RCAN1: variants seen among roughly 807,000 people sequenced by gnomAD.
RCAN1 encodes calcipressin-1.
In RCAN1, 11 loss-of-function variants were observed where a neutral mutation model predicts 22.9. The ratio of observed to expected loss-of-function variants is 0.48; its 90% CI spans 0.30 to 0.79. The LOEUF (loss-of-function observed/expected upper bound fraction) is 0.79. Among genes scored for constraint, RCAN1 ranks in the 30% least tolerant of loss-of-function variants. RCAN1 has a pLI of 0.06. For synonymous variants in RCAN1, 136 were observed against 142.3 expected (o/e 0.96, Z 0.32); for missense variants, 291 against 337.8 (o/e 0.86, Z 1.09).
chr21:34,524,374 C>T (rs1984844886), intron 1 of RCAN1: 1 of 151,196 alleles, frequency 6.6e-6, no homozygotes, highest in South Asian at 2.1e-4. Flanking sequence ...TATGGCCTTC[C>T]CCCACTCACC....
intron 1 of RCAN1, among the ~76,000 whole-genome samples, chr21:34,608,230 C>T (rs1342985588): frequency 6.6e-6 from 1 of 152,176 alleles, no homozygotes; most frequent in Non-Finnish European, 1.5e-5. Flanking sequence ...TGTAGAAAAA[C>T]TGTCTTCCAT....
intron 1 of RCAN1, among the ~76,000 whole-genome samples, chr21:34,578,212 G>C (rs567679028): frequency 6.6e-6 from 1 of 152,308 alleles, no homozygotes; most frequent in East Asian, 1.9e-4. Flanking sequence ...TCGTATCTCT[G>C]AGAGCTTACC....
chr21:34,530,616 GTTTTTTTTTTTTTTTT>G (rs59150851), intron 1 of RCAN1, among the ~76,000 whole-genome samples: 1 of 66,196 alleles, frequency 1.5e-5, no homozygotes, highest in African/African-American at 5.4e-5. Context: ...TAGTGAAATA[GTTTTTTTTTTTTTTTT>G]TTTTTTTTTT....
chr21:34,542,709 C>T (rs911484049), intron 1 of RCAN1, among the ~76,000 whole-genome samples: 5 of 152,160 alleles, frequency 3.3e-5, no homozygotes, highest in Admixed American at 3.3e-4. Context: ...AACATTTCTG[C>T]GATGGGCAGA....
intron 1 of RCAN1, among the ~76,000 whole-genome samples, chr21:34,605,294 G>A (rs930374181): frequency 2.0e-5 from 3 of 152,210 alleles, no homozygotes; most frequent in Non-Finnish European, 2.9e-5. Context: ...TTAGACTCCA[G>A]GTTCTTCAGC....
chr21:34,609,073 C>T (rs550609931), intron 1 of RCAN1, among the ~76,000 whole-genome samples: 4 of 152,182 alleles, frequency 2.6e-5, no homozygotes, highest in Non-Finnish European at 5.9e-5. Flanking sequence ...TTGAAATTTA[C>T]ACAACATGAA....
chr21:34,599,833 G>T (rs530402587), intron 1 of RCAN1, among the ~76,000 whole-genome samples: 1 of 152,114 alleles, frequency 6.6e-6, no homozygotes, highest in Admixed American at 6.5e-5. Flanking sequence ...ATCAGCAAAC[G>T]GTACTTACTA....
chr21:34,607,914 T>C (rs1334694186), intron 1 of RCAN1, among the ~76,000 whole-genome samples: 2 of 152,104 alleles, frequency 1.3e-5, no homozygotes, highest in Admixed American at 1.3e-4. Context: ...TGCCCATTGC[T>C]CACATTACTG....
chr21:34,525,042 C>T (rs922952547), intron 1 of RCAN1: 14 of 1,546,866 alleles, frequency 9.1e-6, no homozygotes, highest in East Asian at 4.9e-5. Flanking sequence ...AAGGGGATGG[C>T]GCAGGGTGTG....
At chr21:34,533,823 G>A (rs1358505142) in intron 1 of RCAN1, among the ~76,000 whole-genome samples, 1 of 152,240 alleles carries the variant, frequency 6.6e-6, no homozygotes, top group Non-Finnish European at 1.5e-5. Flanking sequence ...AGGACCTGAA[G>A]CAGGTAGGGG....
chr21:34,608,132 T>C (rs1988586869), intron 1 of RCAN1, among the ~76,000 whole-genome samples: 1 of 152,188 alleles, frequency 6.6e-6, no homozygotes, highest in Non-Finnish European at 1.5e-5. Context: ...AGTTGTATAA[T>C]TATTTTATTA....
rs978635040 is a variant in RCAN1, at chr21:34,614,924, G to C, written c.88C>G (p.Leu30Val). 26 of 1,378,574 alleles carry C rather than the reference G, an allele frequency of 1.9e-5. No individual in the cohort carries two copies. The highest frequency in any genetic ancestry group is 4.9e-4 in the Middle Eastern group (2 of 4,118). 85.4% of individuals were successfully genotyped at this position (1,378,574 alleles called of 1,614,324 possible). Residue 30 changes from leucine (L) to valine (V), a missense_variant, in exon 1 of 4, where the codon CTG becomes GTG. Physicochemically the swap from Leu to Val is conservative, Grantham distance 32. Coordinates refer to ENST00000313806, the MANE Select transcript of RCAN1 (RefSeq NM_004414.7). The surrounding 1 kb of genome is among the most constrained non-coding windows in gnomAD (Gnocchi z 6.0). ...CCCGAGAGGGGCGCGAAGGGCCGCA[G>C]CGTCACCCCGGGCCGCGCTCGCGCC... ...AEARARPGVT[L>V]RPFAPLSGAA...
intron 1 of RCAN1, among the ~76,000 whole-genome samples, chr21:34,606,159 C>A (rs8129132): frequency 0.033 from 5,018 of 152,028 alleles, 208 homozygotes; most frequent in South Asian, 0.11. Flanking sequence ...AGAAAGGGGC[C>A]CCAGATGGGA....
intron 1 of RCAN1, among the ~76,000 whole-genome samples, chr21:34,604,387 C>G (rs1212985176): frequency 1.3e-5 from 2 of 152,152 alleles, no homozygotes; most frequent in Non-Finnish European, 2.9e-5. Context: ...CCGCCTCAGC[C>G]TCCCAAAGTG....
intron 1 of RCAN1, among the ~76,000 whole-genome samples, chr21:34,552,160 G>A (rs1008991412): frequency 6.6e-6 from 1 of 152,144 alleles, no homozygotes; most frequent in African/African-American, 2.4e-5. Flanking sequence ...AGCGTTAGAG[G>A]CACGATACCC....
chr21:34,605,765 C>G (rs1018865587), intron 1 of RCAN1, among the ~76,000 whole-genome samples: 2 of 151,760 alleles, frequency 1.3e-5, no homozygotes, highest in Admixed American at 1.3e-4. Context: ...ACTAAAAATA[C>G]AAAAATTAGC....
At chr21:34,546,205 G>T (rs1047689459) in intron 1 of RCAN1, among the ~76,000 whole-genome samples, 3 of 152,006 alleles carry the variant, frequency 2.0e-5, no homozygotes, top group African/African-American at 7.3e-5. Context: ...ATCACGTCAG[G>T]CAAGTTTATA....
At position 34,614,096 on chromosome 21, in the gene RCAN1, G is replaced by C. The variant is rs1052851953; in HGVS notation, c.252+664C>G. Reference sequence around the variant, plus strand: ...GGATTTTGCGGGGGTGGGGGGAGGCGGGGGAAGGAGTCGACTCCCCATGTA... The same window carrying C: ...GGATTTTGCGGGGGTGGGGGGAGGCCGGGGAAGGAGTCGACTCCCCATGTA... On this transcript the variant is annotated intron_variant, in intron 1 of 3. Coordinates refer to ENST00000313806, the MANE Select transcript of RCAN1 (RefSeq NM_004414.7). This position sits in a 1 kb window ranked among gnomAD's most constrained non-coding sequence, Gnocchi z 6.0. 6.6e-6 allele frequency among the ~76,000 whole-genome samples: 1 copy of C among 152,156 alleles called. No homozygotes were observed. The highest frequency in any genetic ancestry group is 1.5e-5 in the Non-Finnish European group (1 of 68,026).
chr21:34,555,758 T>C (rs1412162093), intron 1 of RCAN1, among the ~76,000 whole-genome samples: 1 of 151,404 alleles, frequency 6.6e-6, no homozygotes, highest in Non-Finnish European at 1.5e-5. Context: ...AATAAAAAGG[T>C]ATTTTTAAAA....
Sources: gnomAD v4.1 joint callset for allele counts (sites outside exome capture counted in the v4.1 genomes callset) on GRCh38, gnomAD v4.1.1 for gene constraint, Gnocchi (gnomAD v3.1) non-coding constraint, MANE v1.5 for transcripts, NCBI Gene and HGNC (gene_info 2026-07-23, HGNC 2026-07-21) for gene names.